Variants in BRAF observed in about 807,000 individuals in gnomAD.
BRAF encodes the protein B-Raf proto-oncogene, serine/threonine kinase, also known as serine/threonine-protein kinase B-raf.
BRAF carries 16 observed loss-of-function variants against 104.6 expected under a neutral mutation model. That is an observed-to-expected ratio of 0.15 (90% CI 0.10 to 0.23). The LOEUF (loss-of-function observed/expected upper bound fraction) is 0.23. BRAF is among the 10% of genes least tolerant of loss of function. The probability of loss-of-function intolerance (pLI) is 1.00; values close to 1 mark genes in which losing one functional copy is unlikely to be tolerated. For missense variants in BRAF, 541 were observed against 937.3 expected (o/e 0.58, Z 5.52); for synonymous variants, 310 against 341.6 (o/e 0.91, Z 1.02).
chr7:140,880,027 C>T (rs915150302), intron 1 of BRAF, among the ~76,000 whole-genome samples: 10 of 152,086 alleles, frequency 6.6e-5, no homozygotes, highest in African/African-American at 1.9e-4. Context: ...CTACCGTGCC[C>T]GGCCGGCAAT....
chr7:140,753,226 A>T (rs2128997990), intron 16 of BRAF, 49 bp downstream of exon 15: 32 of 1,289,296 alleles, frequency 2.5e-5, no homozygotes, highest in Non-Finnish European at 3.5e-5. Flanking sequence ...ACTCAGCAGC[A>T]TCTCAGGGCC....
intron 1 of BRAF, among the ~76,000 whole-genome samples, chr7:140,887,669 T>G (rs1168734248): frequency 6.6e-6 from 1 of 152,150 alleles, no homozygotes; most frequent in Non-Finnish European, 1.5e-5. Flanking sequence ...GTAGGCTACA[T>G]TATTTAGTTA....
At chr7:140,912,186 T>A (rs1267759571) in intron 1 of BRAF, among the ~76,000 whole-genome samples, 1 of 152,158 alleles carries the variant, frequency 6.6e-6, no homozygotes, top group Non-Finnish European at 1.5e-5. Context: ...TTAATTTTAC[T>A]ATTTGTCTCC....
At chr7:140,824,214 T>C (rs1404745642) in intron 3 of BRAF, 2 of 152,214 alleles carry the variant, frequency 1.3e-5, no homozygotes, top group Non-Finnish European at 2.9e-5. Context: ...CAAGAAATCA[T>C]TGACAAATCC....
chr7:140,845,481 TCAATAA>T (rs1397489848), intron 2 of BRAF, among the ~76,000 whole-genome samples: 2 of 151,984 alleles, frequency 1.3e-5, no homozygotes, highest in African/African-American at 4.8e-5. Flanking sequence ...AGAACTACGC[TCAATAA>T]CAAGAACAAA....
At chr7:140,716,519 A>G (rs765319109), downstream of BRAF, among the ~76,000 whole-genome samples, 14 of 152,228 alleles carry the variant, frequency 9.2e-5, no homozygotes, top group Non-Finnish European at 2.1e-4. Context: ...CAGATAGACC[A>G]GATTGTAAAC....
At chr7:140,839,274 A>G (rs1432707129) in intron 2 of BRAF, among the ~76,000 whole-genome samples, 2 of 152,254 alleles carry the variant, frequency 1.3e-5, no homozygotes, top group African/African-American at 2.4e-5. Flanking sequence ...CAGGAGTTCA[A>G]GACCTGACTG....
intron 10 of BRAF, 47 bp from the exon 10 acceptor site, chr7:140,783,204 T>C: frequency 6.2e-7 from 1 of 1,606,026 alleles, no homozygotes; most frequent in Non-Finnish European, 8.5e-7. Flanking sequence ...GGAGCAAGTA[T>C]GTTAATTTAT....
intron 1 of BRAF, among the ~76,000 whole-genome samples, chr7:140,873,351 G>A (rs759662802): frequency 5.3e-5 from 8 of 151,948 alleles, no homozygotes; most frequent in Non-Finnish European, 1.2e-4. Flanking sequence ...TGTATCTTTA[G>A]TACAGACAGG....
chr7:140,762,760 C>G (rs936669986), intron 14 of BRAF, among the ~76,000 whole-genome samples: 1 of 149,728 alleles, frequency 6.7e-6, no homozygotes, highest in Non-Finnish European at 1.5e-5. Flanking sequence ...TGCGGCCTTC[C>G]GCAGTGTTTG....
At chr7:140,746,983 G>A (rs564716200) in intron 17 of BRAF, among the ~76,000 whole-genome samples, 2 of 152,254 alleles carry the variant, frequency 1.3e-5, no homozygotes, top group East Asian at 3.9e-4. Context: ...CTCAGACTAT[G>A]GGTATGAGAG....
intron 3 of BRAF, among the ~76,000 whole-genome samples, chr7:140,820,365 A>G (rs1302264285): frequency 2.6e-5 from 4 of 152,196 alleles, no homozygotes; most frequent in African/African-American, 9.7e-5. Context: ...TCCCCAATAA[A>G]AGTATTCCCA....
chr7:140,874,185 T>C (rs1386897499), intron 1 of BRAF, among the ~76,000 whole-genome samples: 2 of 150,954 alleles, frequency 1.3e-5, no homozygotes, highest in African/African-American at 4.9e-5. Context: ...AAACCATCAG[T>C]GAGTTTACAT....
chr7:140,788,161 A>G (rs900859316), intron 8 of BRAF, among the ~76,000 whole-genome samples: 2 of 152,212 alleles, frequency 1.3e-5, no homozygotes, highest in East Asian at 3.9e-4. Flanking sequence ...TAAATTTTTA[A>G]AAAATGGCTT....
intron 6 of BRAF, 56 bp from the exon 7 acceptor site, chr7:140,800,537 C>A (rs2129043779): frequency 1.2e-6 from 2 of 1,612,908 alleles, no homozygotes; most frequent in Non-Finnish European, 1.7e-6. Context: ...GCTTCATATA[C>A]CAAAATACAT....
intron 1 of BRAF, among the ~76,000 whole-genome samples, chr7:140,866,322 T>C (rs1810962049): frequency 6.6e-6 from 1 of 152,200 alleles, no homozygotes; most frequent in Non-Finnish European, 1.5e-5. Flanking sequence ...TTACTCTCAG[T>C]TCTCCAAAAC....
intron 19 of BRAF, among the ~76,000 whole-genome samples, chr7:140,728,398 G>A (rs183046540): frequency 6.6e-6 from 1 of 152,226 alleles, no homozygotes; most frequent in African/African-American, 2.4e-5. Flanking sequence ...AACTACTAAT[G>A]AACTGCAGAT....
intron 1 of BRAF, among the ~76,000 whole-genome samples, chr7:140,881,561 T>C (rs986782155): frequency 2.6e-4 from 40 of 152,238 alleles, no homozygotes; most frequent in Non-Finnish European, 5.0e-4. Flanking sequence ...TTTCTTATCA[T>C]TCGTGTATTC....
intron 2 of BRAF, among the ~76,000 whole-genome samples, chr7:140,845,213 G>A (rs924663182): frequency 2.6e-5 from 4 of 152,096 alleles, no homozygotes; most frequent in Non-Finnish European, 5.9e-5. Flanking sequence ...GAACGAAGTT[G>A]GACCCTTACC....
Sources: gnomAD v4.1 joint callset for allele counts (sites outside exome capture counted in the v4.1 genomes callset) on GRCh38, gnomAD v4.1.1 for gene constraint, MANE v1.5 for transcripts, NCBI Gene and HGNC (gene_info 2026-07-23, HGNC 2026-07-21) for gene names.